Variants in DCLK1 observed in about 807,000 individuals in gnomAD.
DCLK1 encodes serine/threonine-protein kinase DCLK1.
Under a neutral mutation model 86.2 loss-of-function variants are expected in DCLK1, and 16 were observed. The ratio of observed to expected loss-of-function variants is 0.19; its 90% CI spans 0.13 to 0.28. The LOEUF is 0.28. Ranked by LOEUF, DCLK1 falls within the 10% of genes least tolerant of loss-of-function variation. The probability of loss-of-function intolerance (pLI) is 1.00; values close to 1 mark genes in which losing one functional copy is unlikely to be tolerated. For missense variants in DCLK1, 590 were observed against 940.2 expected (o/e 0.63, Z 4.87); for synonymous variants, 369 against 370.5 (o/e 1.00, Z 0.05).
intron 11 of DCLK1, among the ~76,000 whole-genome samples, chr13:35,821,874 C>A (rs1040897396): frequency 1.3e-5 from 2 of 151,822 alleles, no homozygotes; most frequent in African/African-American, 4.8e-5. Context: ...TTGTGGAGAT[C>A]TCTCAAGGTT....
At chr13:36,039,166 G>A (rs1210464950) in intron 3 of DCLK1, among the ~76,000 whole-genome samples, 1 of 152,210 alleles carries the variant, frequency 6.6e-6, no homozygotes, top group African/African-American at 2.4e-5. Flanking sequence ...GGTAAGGAAT[G>A]AGTAGGAAAT....
chr13:35,845,810 T>C lies in DCLK1; in HGVS notation c.1036-6634A>G, dbSNP rs551709868. The C allele has an allele frequency of 1.0e-3, 555 of 540,216 alleles. 3 individuals are homozygous for C. Among genetic ancestry groups the C allele is most frequent in the Non-Finnish European group, 1.2e-3 (522 of 423,344 alleles). The allele number at this position is 540,216 out of a possible 1,614,324, so 33.5% of individuals were successfully genotyped here. The stretch of plus-strand genomic sequence containing the variant: ...CAACAGAAGAATGCCATACACGTGA[T>C]TGTGAAGGTCACCCTTATCCCACAT... On this transcript the variant is annotated intron_variant, in intron 6 of 16. Transcript: ENST00000360631.
At chr13:35,778,277 C>A (rs1422684507) in intron 16 of DCLK1, among the ~76,000 whole-genome samples, 1 of 152,156 alleles carries the variant, frequency 6.6e-6, no homozygotes, top group Non-Finnish European at 1.5e-5. Flanking sequence ...CCAGCCTTTG[C>A]AATGTGCTTC....
intron 3 of DCLK1, among the ~76,000 whole-genome samples, chr13:35,978,203 C>CTTTTTTTTT (rs11311688): frequency 2.7e-3 from 221 of 82,724 alleles, no homozygotes; most frequent in Non-Finnish European, 3.1e-3. Context: ...CTTTTCTTTT[C>CTTTTTTTTT]TTTTTTTTTT....
At chr13:36,040,480 C>T (rs1409630517) in intron 3 of DCLK1, among the ~76,000 whole-genome samples, 1 of 150,818 alleles carries the variant, frequency 6.6e-6, no homozygotes, top group Non-Finnish European at 1.5e-5. Flanking sequence ...AAGCGGCATC[C>T]TTATAACACT....
intron 7 of DCLK1, 122 bp downstream of exon 7, chr13:35,838,970 T>A: frequency 1.2e-6 from 1 of 833,878 alleles, no homozygotes; most frequent in Non-Finnish European, 1.9e-6. Flanking sequence ...CCCCTTGTGA[T>A]TGACCCTCAG....
At chr13:35,932,872 C>T (rs1451743836) in intron 4 of DCLK1, among the ~76,000 whole-genome samples, 3 of 152,246 alleles carry the variant, frequency 2.0e-5, no homozygotes, top group Non-Finnish European at 2.9e-5. Context: ...GCCTTCCCAA[C>T]AGTCCCCCAA....
At chr13:36,047,012 C>T (rs554243405) in intron 3 of DCLK1, among the ~76,000 whole-genome samples, 15 of 152,284 alleles carry the variant, frequency 9.9e-5, no homozygotes, top group East Asian at 5.8e-4. Flanking sequence ...AATTAAAAAA[C>T]GAGCAAAGCA....
intron 3 of DCLK1, among the ~76,000 whole-genome samples, chr13:36,023,521 T>C (rs1000895469): frequency 1.3e-5 from 2 of 152,302 alleles, no homozygotes; most frequent in African/African-American, 4.8e-5. Context: ...CTGCCCACTT[T>C]ATGGAGGGCA....
At chr13:35,951,704 T>C (rs1877703348) in intron 3 of DCLK1, among the ~76,000 whole-genome samples, 1 of 152,090 alleles carries the variant, frequency 6.6e-6, no homozygotes, top group Non-Finnish European at 1.5e-5. Context: ...ATAATTCCTG[T>C]TGCAAATCAG....
chr13:35,869,612 T>G (rs953717088), intron 5 of DCLK1, among the ~76,000 whole-genome samples: 1 of 152,216 alleles, frequency 6.6e-6, no homozygotes, highest in Non-Finnish European at 1.5e-5. Flanking sequence ...GTCAAATGTT[T>G]TCTGCATTTA....
At chr13:35,937,656 G>C (rs1017116613) in intron 4 of DCLK1, among the ~76,000 whole-genome samples, 2 of 152,060 alleles carry the variant, frequency 1.3e-5, no homozygotes, top group East Asian at 3.9e-4. Context: ...GATTGCTGAG[G>C]TGCCATCCAG....
At chr13:36,004,847 G>C (rs1432350689) in intron 3 of DCLK1, among the ~76,000 whole-genome samples, 1 of 152,134 alleles carries the variant, frequency 6.6e-6, no homozygotes, top group Non-Finnish European at 1.5e-5. Flanking sequence ...CAAAGTGCTG[G>C]GATTACAGGC....
intron 3 of DCLK1, among the ~76,000 whole-genome samples, chr13:35,983,120 TTTA>T (rs570947552): frequency 6.6e-6 from 1 of 151,554 alleles, no homozygotes; most frequent in African/African-American, 2.4e-5. Flanking sequence ...TCCAGAACTC[TTTA>T]TTATTATTAT....
chr13:35,946,470 C>T (rs1170546937), intron 4 of DCLK1, among the ~76,000 whole-genome samples: 5 of 152,234 alleles, frequency 3.3e-5, no homozygotes, highest in African/African-American at 1.2e-4. Flanking sequence ...CAAGTGACCA[C>T]ATCACTTTTC....
At chr13:35,810,725 C>T in intron 12 of DCLK1, 110 bp downstream of exon 12, 1 of 1,321,328 alleles carries the variant, frequency 7.6e-7, no homozygotes, top group Non-Finnish European at 1.0e-6. Context: ...GTGGAAGAAA[C>T]CTGATAGCTA....
chr13:36,026,822 T>C (rs1051128206), intron 3 of DCLK1, among the ~76,000 whole-genome samples: 4 of 152,190 alleles, frequency 2.6e-5, no homozygotes, highest in African/African-American at 9.6e-5. Context: ...GGCATTCTTA[T>C]AATGAACCAG....
chr13:36,095,080 T>C (rs922791969), intron 3 of DCLK1, among the ~76,000 whole-genome samples: 6 of 152,234 alleles, frequency 3.9e-5, no homozygotes, highest in African/African-American at 7.2e-5. Flanking sequence ...GAAAATGTTT[T>C]GTCAAGAACC....
At chr13:35,779,985 GA>G (rs35236408) in intron 16 of DCLK1, among the ~76,000 whole-genome samples, 154 of 142,596 alleles carry the variant, frequency 1.1e-3, no homozygotes, top group Admixed American at 1.1e-3. Flanking sequence ...CCCCGCCCCT[GA>G]AAAAAAAAAA....
Sources: gnomAD v4.1 joint callset for allele counts (sites outside exome capture counted in the v4.1 genomes callset) on GRCh38, gnomAD v4.1.1 for gene constraint, MANE v1.5 for transcripts, NCBI Gene and HGNC (gene_info 2026-07-23, HGNC 2026-07-21) for gene names.